The following PRKAR1A variants were observed in gnomAD, a reference collection of about 807,000 sequenced individuals.
PRKAR1A encodes the protein cAMP-dependent protein kinase type I-alpha regulatory subunit.
Under a neutral mutation model 52.0 loss-of-function variants are expected in PRKAR1A, and 3 were observed. That is an observed-to-expected ratio of 0.06 (90% CI 0.03 to 0.15). The LOEUF is 0.15. PRKAR1A is among the 10% of genes least tolerant of loss of function. The pLI is 1.00. For synonymous variants in PRKAR1A, 188 were observed against 168.4 expected (o/e 1.12, Z -0.90); for missense variants, 240 against 477.4 (o/e 0.50, Z 4.63).
At chr17:68,431,340 T>A in the PRKAR1A span, among the ~76,000 whole-genome samples, 1 of 152,070 alleles carries the variant, frequency 6.6e-6, no homozygotes, top group Non-Finnish European at 1.5e-5. Context: ...ACAGGGTTGC[T>A]GGGAGAACTA....
chr17:68,436,442 G>C, the PRKAR1A span: 1 of 1,614,058 alleles, frequency 6.2e-7, no homozygotes, highest in Non-Finnish European at 8.5e-7. Context: ...GATAGGCCAG[G>C]TAAGAATTGG....
At chr17:68,506,841 T>C (rs1179844106), upstream of PRKAR1A, among the ~76,000 whole-genome samples, 7 of 152,144 alleles carry the variant, frequency 4.6e-5, no homozygotes, top group African/African-American at 1.7e-4. Flanking sequence ...GCCTGTTACC[T>C]AGTACCTGCT....
At chr17:68,534,128 T>A (rs2086045507), downstream of PRKAR1A, among the ~76,000 whole-genome samples, 1 of 152,236 alleles carries the variant, frequency 6.6e-6, no homozygotes, top group Non-Finnish European at 1.5e-5. Flanking sequence ...GAAAGCAGCA[T>A]TGTTATGTAC....
chr17:68,473,737 G>A, the PRKAR1A span, among the ~76,000 whole-genome samples: 181 of 152,192 alleles, frequency 1.2e-3, 2 homozygotes, highest in Middle Eastern at 0.024. Flanking sequence ...TGGCCAGGCT[G>A]GTCTCGAATT....
downstream of PRKAR1A, chr17:68,536,452 A>AC (rs1330653519): frequency 2.2e-6 from 1 of 454,134 alleles, no homozygotes; most frequent in South Asian, 1.6e-5. Context: ...GGTAGAGGAG[A>AC]CAAGGAATCC....
chr17:68,513,034 T>G (rs1189064897), intron 1 of PRKAR1A: 1 of 152,304 alleles, frequency 6.6e-6, no homozygotes, highest in Non-Finnish European at 1.5e-5. Flanking sequence ...GCCTTTCCTC[T>G]TCATAGCGGA....
chr17:68,440,152 C>G, the PRKAR1A span, among the ~76,000 whole-genome samples: 1 of 152,170 alleles, frequency 6.6e-6, no homozygotes, highest in Non-Finnish European at 1.5e-5. Flanking sequence ...AGTTTTGCCT[C>G]CAGGCTCGCA....
At chr17:68,437,016 A>ATGTGTGTGTGTGTGTGTGTG in the PRKAR1A span, among the ~76,000 whole-genome samples, 929 of 144,622 alleles carry the variant, frequency 6.4e-3, 18 homozygotes, top group East Asian at 0.058. Context: ...ATATATATAT[A>ATGTGTGTGTGTGTGTGTGTG]TGTGTGTGTG....
chr17:68,500,100 A>G, the PRKAR1A span, among the ~76,000 whole-genome samples: 2 of 152,258 alleles, frequency 1.3e-5, no homozygotes, highest in African/African-American at 4.8e-5. Flanking sequence ...TATTGATTAT[A>G]TACTGGATGA....
At chr17:68,508,279 A>G (rs572048253), upstream of PRKAR1A, among the ~76,000 whole-genome samples, 1 of 152,358 alleles carries the variant, frequency 6.6e-6, no homozygotes, top group African/African-American at 2.4e-5. Context: ...CATGGAATCA[A>G]CCTAAATGCC....
chr17:68,442,525 G>A, the PRKAR1A span, among the ~76,000 whole-genome samples: 1 of 151,408 alleles, frequency 6.6e-6, no homozygotes, highest in East Asian at 1.9e-4. Flanking sequence ...CAGTCCTGAA[G>A]CAACCCTGTC....
At position 68,532,576 on chromosome 17, in the gene PRKAR1A, A is replaced by G. The variant is rs1384778763; in HGVS notation, c.*2127A>G. ...GTTGATATTCAAGGCTTTAAAAGTC[A>G]TTATTCCTGGGCTTGGTAAGTGAAT... On this transcript the variant is annotated 3_prime_UTR_variant, in exon 11 of 11. Coordinates refer to ENST00000589228, the MANE Select transcript of PRKAR1A (RefSeq NM_002734.5). 1 of 1,066,088 alleles carries G rather than the reference A, an allele frequency of 9.4e-7. No individual in the cohort carries two copies. The highest frequency in any genetic ancestry group is 1.1e-6 in the Non-Finnish European group (1 of 879,616). The allele number at this position is 1,066,088 out of a possible 1,614,324, so 66.0% of individuals were successfully genotyped here.
chr17:68,533,316 T>C lies in PRKAR1A; in HGVS notation c.*2867T>C. 1 of 1,063,596 alleles carries C rather than the reference T, an allele frequency of 9.4e-7. No individual in the cohort carries two copies. Among genetic ancestry groups the C allele is most frequent in the Non-Finnish European group, 1.1e-6 (1 of 878,072 alleles). 65.9% of individuals were successfully genotyped at this position (1,063,596 alleles called of 1,614,324 possible). A position where few individuals can be genotyped will look rare whatever the true frequency, so the allele number is the denominator to read the frequency against. On this transcript the variant is annotated 3_prime_UTR_variant, in exon 11 of 11. Transcript: ENST00000589228. The stretch of plus-strand genomic sequence containing the variant: ...AGATATGTTGTATGTTAGAAGAGCA[T>C]TCTTTAAATTGTGTTGCTTTGAACA...
downstream of PRKAR1A, among the ~76,000 whole-genome samples, chr17:68,533,609 CT>C (rs1436772930): frequency 6.6e-6 from 1 of 152,106 alleles, no homozygotes; most frequent in Middle Eastern, 3.2e-3. Context: ...ATAGCTGAAC[CT>C]TTTGTACTTA....
At chr17:68,483,223 G>A in the PRKAR1A span, among the ~76,000 whole-genome samples, 1 of 152,048 alleles carries the variant, frequency 6.6e-6, no homozygotes, top group Non-Finnish European at 1.5e-5. Flanking sequence ...GCTCACACCT[G>A]TAATCCCAGT....
At chr17:68,494,225 G>A in the PRKAR1A span, among the ~76,000 whole-genome samples, 1 of 152,110 alleles carries the variant, frequency 6.6e-6, no homozygotes, top group Non-Finnish European at 1.5e-5. Context: ...AATCTAGGCT[G>A]GCCTAAGTAA....
At chr17:68,451,407 C>A in the PRKAR1A span, among the ~76,000 whole-genome samples, 1 of 152,168 alleles carries the variant, frequency 6.6e-6, no homozygotes, top group South Asian at 2.1e-4. Context: ...GCACTCCAGC[C>A]TGGGCGACAA....
At chr17:68,545,457 A>C (rs535299111) in intron 11 of PRKAR1A, among the ~76,000 whole-genome samples, 17 of 152,236 alleles carry the variant, frequency 1.1e-4, no homozygotes, top group Non-Finnish European at 2.4e-4. Flanking sequence ...TAAATATGCA[A>C]TAGCATTATG....
At chr17:68,505,859 C>G in the PRKAR1A span, among the ~76,000 whole-genome samples, 1 of 152,142 alleles carries the variant, frequency 6.6e-6, no homozygotes, top group African/African-American at 2.4e-5. Flanking sequence ...TCAAGTATAA[C>G]AAATGTACCA....
Sources: allele counts gnomAD v4.1 joint callset (sites outside exome capture counted in the v4.1 genomes callset), GRCh38; gene constraint gnomAD v4.1.1; transcripts MANE v1.5; gene names NCBI Gene and HGNC (gene_info 2026-07-23, HGNC 2026-07-21).